Variants in DPP6 observed in about 807,000 individuals in gnomAD.
The protein encoded by DPP6 is A-type potassium channel modulatory protein DPP6.
In DPP6, 69 loss-of-function variants were observed where a neutral mutation model predicts 122.6. The observed-to-expected ratio is 0.56, with a 90% confidence interval of 0.46 to 0.69. DPP6 has a LOEUF of 0.69. Ranked by LOEUF, DPP6 falls within the 30% of genes least tolerant of loss-of-function variation. The pLI is 0.00. For missense variants in DPP6, 928 were observed against 1,116.9 expected (o/e 0.83, Z 2.41); for synonymous variants, 418 against 433.1 (o/e 0.97, Z 0.43).
chr7:153,872,589 C>G, the DPP6 span, among the ~76,000 whole-genome samples: 33 of 152,202 alleles, frequency 2.2e-4, no homozygotes, highest in African/African-American at 7.9e-4. Context: ...TAGCCATGCC[C>G]TGTTTTTCAT....
At chr7:154,128,728 C>T (rs1157315237) in intron 1 of DPP6, among the ~76,000 whole-genome samples, 2 of 151,322 alleles carry the variant, frequency 1.3e-5, no homozygotes, top group African/African-American at 4.8e-5. Context: ...AAATAAGATA[C>T]ATTTAAAAGT....
chr7:154,268,262 T>G (rs543434115), intron 1 of DPP6, among the ~76,000 whole-genome samples: 2 of 152,316 alleles, frequency 1.3e-5, no homozygotes, highest in East Asian at 3.9e-4. Context: ...TAGCTACTTT[T>G]CTTAGTTCTT....
intron 2 of DPP6, among the ~76,000 whole-genome samples, chr7:154,466,613 C>T (rs1357488964): frequency 6.6e-6 from 1 of 152,174 alleles, no homozygotes; most frequent in Non-Finnish European, 1.5e-5. Flanking sequence ...ACCCTCTGAT[C>T]TCATTTAACT....
chr7:154,728,127 T>C (rs1387740891), intron 8 of DPP6, among the ~76,000 whole-genome samples: 1 of 152,224 alleles, frequency 6.6e-6, no homozygotes, highest in Non-Finnish European at 1.5e-5. Context: ...GGGACAGGTG[T>C]GCTGGCTTTG....
chr7:154,157,131 C>T (rs1211211888), intron 1 of DPP6, among the ~76,000 whole-genome samples: 1 of 152,256 alleles, frequency 6.6e-6, no homozygotes, highest in Non-Finnish European at 1.5e-5. Context: ...AACATTTCTA[C>T]TTGCTGTGTT....
At chr7:154,878,527 T>G (rs1805077153) in intron 20 of DPP6, among the ~76,000 whole-genome samples, 1 of 152,236 alleles carries the variant, frequency 6.6e-6, no homozygotes, top group Admixed American at 6.5e-5. Context: ...TGCATTTTCA[T>G]TCATCAGAAA....
At chr7:154,682,922 G>GT (rs5888587) in intron 7 of DPP6, among the ~76,000 whole-genome samples, 5 of 151,804 alleles carry the variant, frequency 3.3e-5, no homozygotes, top group African/African-American at 4.9e-5. Flanking sequence ...GACCACTTTG[G>GT]TTTTTTTTTA....
intron 2 of DPP6, among the ~76,000 whole-genome samples, chr7:154,467,032 C>T (rs117143737): frequency 7.9e-5 from 12 of 152,194 alleles, no homozygotes; most frequent in Admixed American, 3.9e-4. Flanking sequence ...AGTAGTGGGA[C>T]GGGTATAGGA....
intron 1 of DPP6, among the ~76,000 whole-genome samples, chr7:154,297,072 T>A (rs566067193): frequency 4.2e-4 from 59 of 139,552 alleles, no homozygotes; most frequent in East Asian, 3.7e-3. Flanking sequence ...TGTTTTTTTT[T>A]TTTTGTTTTG....
At chr7:153,993,816 T>C (rs1797306200) in intron 1 of DPP6, among the ~76,000 whole-genome samples, 1 of 152,244 alleles carries the variant, frequency 6.6e-6, no homozygotes, top group Admixed American at 6.5e-5. Flanking sequence ...CCACAGTTAA[T>C]ACGCCCTCTT....
intron 16 of DPP6, among the ~76,000 whole-genome samples, chr7:154,841,319 T>C (rs56255729): frequency 6.7e-6 from 1 of 148,376 alleles, no homozygotes; most frequent in East Asian, 2.0e-4. Context: ...TTTGCCCCTC[T>C]GCAGGCTTTG....
chr7:153,781,241 T>A, the DPP6 span, among the ~76,000 whole-genome samples: 9 of 151,712 alleles, frequency 5.9e-5, no homozygotes, highest in East Asian at 5.8e-4. Context: ...AGCTCTGGAC[T>A]GACTTCCTAT....
At chr7:154,425,351 G>A (rs1480927006) in intron 1 of DPP6, among the ~76,000 whole-genome samples, 1 of 152,094 alleles carries the variant, frequency 6.6e-6, no homozygotes, top group Non-Finnish European at 1.5e-5. Flanking sequence ...TGTAAATATC[G>A]AAGCATAACT....
At chr7:154,789,735 G>A (rs1587144818) in intron 10 of DPP6, among the ~76,000 whole-genome samples, 1 of 152,220 alleles carries the variant, frequency 6.6e-6, no homozygotes, top group Non-Finnish European at 1.5e-5. Flanking sequence ...AGCAGCAAAA[G>A]TGTGACTACA....
the DPP6 span, among the ~76,000 whole-genome samples, chr7:153,853,666 G>A: frequency 6.6e-6 from 1 of 152,164 alleles, no homozygotes; most frequent in African/African-American, 2.4e-5. Flanking sequence ...TGCTGCTCAG[G>A]AAAGGAACTC....
At chr7:154,871,099 G>A (rs898847317) in intron 18 of DPP6, among the ~76,000 whole-genome samples, 1 of 152,090 alleles carries the variant, frequency 6.6e-6, no homozygotes, top group African/African-American at 2.4e-5. Context: ...TGTCACCCTG[G>A]CAAGATCCCT....
chr7:154,879,094 G>A (rs938110541), intron 20 of DPP6, among the ~76,000 whole-genome samples: 9 of 152,160 alleles, frequency 5.9e-5, no homozygotes, highest in Admixed American at 2.0e-4. Flanking sequence ...GGTCCCAGCC[G>A]TTGCCAGGGT....
intron 10 of DPP6, among the ~76,000 whole-genome samples, chr7:154,773,816 A>G (rs1204377732): frequency 6.6e-6 from 1 of 152,134 alleles, no homozygotes; most frequent in Non-Finnish European, 1.5e-5. Flanking sequence ...AGCTTCTGGA[A>G]AGGGCAGGAA....
the DPP6 span, among the ~76,000 whole-genome samples, chr7:153,881,665 T>C: frequency 2.0e-5 from 3 of 152,126 alleles, no homozygotes; most frequent in Admixed American, 2.0e-4. Flanking sequence ...AGGACACGGC[T>C]CACATGGCTC....
Sources: gnomAD v4.1 joint callset for allele counts (sites outside exome capture counted in the v4.1 genomes callset) on GRCh38, gnomAD v4.1.1 for gene constraint, MANE v1.5 for transcripts, NCBI Gene and HGNC (gene_info 2026-07-23, HGNC 2026-07-21) for gene names.